CCDC149: variants seen among roughly 807,000 people sequenced by gnomAD.
CCDC149 encodes coiled-coil domain containing 149.
In CCDC149, 45 loss-of-function variants were observed where a neutral mutation model predicts 59.9. That is an observed-to-expected ratio of 0.75 (90% CI 0.59 to 0.96). The LOEUF (loss-of-function observed/expected upper bound fraction) is 0.96, where lower values mean the gene tolerates loss of function less well. Ranked by LOEUF, CCDC149 falls within the 40% of genes least tolerant of loss-of-function variation. The probability of loss-of-function intolerance (pLI) is 0.00; values close to 1 mark genes in which losing one functional copy is unlikely to be tolerated. For missense variants in CCDC149, 584 were observed against 664.7 expected (o/e 0.88, Z 1.33); for synonymous variants, 245 against 260.6 (o/e 0.94, Z 0.58).
At chr4:24,941,776 A>T (rs567120145) in intron 1 of CCDC149, among the ~76,000 whole-genome samples, 4 of 152,236 alleles carry the variant, frequency 2.6e-5, no homozygotes, top group African/African-American at 9.6e-5. Flanking sequence ...ACCTCTACAC[A>T]AATAAACTAG....
chr4:24,849,451 A>G (rs919690826), intron 4 of CCDC149, among the ~76,000 whole-genome samples: 3 of 152,102 alleles, frequency 2.0e-5, no homozygotes, highest in Non-Finnish European at 4.4e-5. Context: ...ATTCCTGCGC[A>G]CTGGACAGAG....
At chr4:24,877,332 C>T (rs13135338) in intron 1 of CCDC149, among the ~76,000 whole-genome samples, 26,875 of 151,948 alleles carry the variant, frequency 0.18, 2,507 homozygotes, top group Admixed American at 0.26. Context: ...AATACAGACG[C>T]GTACCACCAT....
intron 3 of CCDC149, among the ~76,000 whole-genome samples, chr4:24,859,953 C>T (rs1718272209): frequency 6.6e-6 from 1 of 152,098 alleles, no homozygotes; most frequent in African/African-American, 2.4e-5. Context: ...ACAACACAAC[C>T]AAATAGAAAC....
chr4:24,813,508 A>ATATATATATATATG (rs1714791261), intron 12 of CCDC149, among the ~76,000 whole-genome samples: 1 of 141,338 alleles, frequency 7.1e-6, no homozygotes, highest in African/African-American at 2.7e-5. Context: ...ATATATATAT[A>ATATATATATATATG]TATATATATA....
intron 11 of CCDC149, among the ~76,000 whole-genome samples, chr4:24,820,522 G>A (rs1182474532): frequency 6.6e-6 from 1 of 152,076 alleles, no homozygotes; most frequent in Non-Finnish European, 1.5e-5. Context: ...AGAGGAAGAG[G>A]AGGAGGAGGA....
At chr4:24,824,474 AT>A (rs1314155597) in intron 9 of CCDC149, among the ~76,000 whole-genome samples, 1 of 152,258 alleles carries the variant, frequency 6.6e-6, no homozygotes, top group East Asian at 1.9e-4. Context: ...ATCAGAGGCC[AT>A]GCTGAACACT....
intron 2 of CCDC149, among the ~76,000 whole-genome samples, chr4:24,876,003 C>T (rs548212540): frequency 1.3e-5 from 2 of 152,098 alleles, no homozygotes; most frequent in East Asian, 1.9e-4. Context: ...TGTTCTGAGT[C>T]GTGTGATGAA....
chr4:24,839,051 CACACACACACAG>C (rs1336591720), intron 4 of CCDC149, among the ~76,000 whole-genome samples: 27 of 142,610 alleles, frequency 1.9e-4, no homozygotes, highest in South Asian at 4.9e-4. Context: ...CACACACACA[CACACACACACAG>C]AGAGAGAGAG....
intron 3 of CCDC149, among the ~76,000 whole-genome samples, chr4:24,858,757 A>G (rs1694335016): frequency 6.6e-6 from 1 of 152,202 alleles, no homozygotes; most frequent in Non-Finnish European, 1.5e-5. Context: ...CTGGACAGGG[A>G]TGATGACTAC....
At chr4:24,967,548 T>C (rs192118792) in intron 1 of CCDC149, among the ~76,000 whole-genome samples, 68 of 151,908 alleles carry the variant, frequency 4.5e-4, no homozygotes, top group African/African-American at 1.5e-3. Flanking sequence ...TCCACAGACA[T>C]CAGTCCAGAG....
intron 1 of CCDC149, among the ~76,000 whole-genome samples, chr4:24,958,358 C>T (rs1173760717): frequency 2.6e-5 from 4 of 152,192 alleles, no homozygotes; most frequent in African/African-American, 4.8e-5. Context: ...CCTGCAGTGC[C>T]TCAGACTACC....
chr4:24,866,121 G>C (rs2109220121), intron 3 of CCDC149, among the ~76,000 whole-genome samples: 1 of 152,234 alleles, frequency 6.6e-6, no homozygotes, highest in African/African-American at 2.4e-5. Flanking sequence ...GCTTGACCAA[G>C]GAGACTTTTT....
At chr4:24,850,224 C>G (rs868669157) in intron 4 of CCDC149, among the ~76,000 whole-genome samples, 1 of 151,928 alleles carries the variant, frequency 6.6e-6, no homozygotes, top group East Asian at 1.9e-4. Context: ...TTATTCCATT[C>G]CATTCCTTCA....
chr4:24,952,063 C>CT (rs1164046839), intron 1 of CCDC149, among the ~76,000 whole-genome samples: 1 of 152,118 alleles, frequency 6.6e-6, no homozygotes, highest in Non-Finnish European at 1.5e-5. Context: ...AGATCATCCT[C>CT]TTTCTCATCA....
At chr4:24,835,565 TAGA>T (rs1716462580) in intron 7 of CCDC149, among the ~76,000 whole-genome samples, 1 of 152,206 alleles carries the variant, frequency 6.6e-6, no homozygotes, top group African/African-American at 2.4e-5. Context: ...GCTTGGCACA[TAGA>T]ACTGAATAAA....
Position 24,860,501 on chromosome 4 carries a change from G to A in CCDC149, c.265-7322C>T, listed in dbSNP as rs940811627. Among the ~76,000 whole-genome samples the A allele has an allele frequency of 3.3e-5, 5 of 152,044 alleles. No individual in the cohort carries two copies. In the East Asian group the frequency reaches 9.6e-4, roughly 29 times the overall value. ...GAAACCACAAAAATTCTATAAGATAGCATCAGAAAAACCCTTCTAGACATT... is the reference window on the plus strand; with the variant it reads ...GAAACCACAAAAATTCTATAAGATAACATCAGAAAAACCCTTCTAGACATT... On this transcript the variant is annotated intron_variant, in intron 3 of 12. Coordinates refer to ENST00000635206, the MANE Select transcript of CCDC149 (RefSeq NM_001330643.2).
intron 8 of CCDC149, among the ~76,000 whole-genome samples, chr4:24,832,265 G>T (rs374416364): frequency 1.3e-5 from 2 of 152,294 alleles, no homozygotes; most frequent in East Asian, 3.9e-4. Flanking sequence ...TTAGGATAAG[G>T]TCAAGTAAAA....
intron 1 of CCDC149, among the ~76,000 whole-genome samples, chr4:24,896,906 T>A (rs1406610765): frequency 6.6e-6 from 1 of 152,196 alleles, no homozygotes; most frequent in Non-Finnish European, 1.5e-5. Context: ...GTTTTTCAAT[T>A]TAAGTATTAA....
intron 1 of CCDC149, among the ~76,000 whole-genome samples, chr4:24,920,441 C>T (rs1350776202): frequency 6.6e-6 from 1 of 152,210 alleles, no homozygotes; most frequent in Admixed American, 6.5e-5. Context: ...GCTTGGTTCC[C>T]AGTAGGAGCT....
Sources: gnomAD v4.1 joint callset for allele counts (sites outside exome capture counted in the v4.1 genomes callset) on GRCh38, gnomAD v4.1.1 for gene constraint, MANE v1.5 for transcripts, NCBI Gene and HGNC (gene_info 2026-07-23, HGNC 2026-07-21) for gene names.